Variants in ZNF480 observed in about 807,000 individuals in gnomAD.
ZNF480 encodes the protein zinc finger protein 480.
Under a neutral mutation model 14.4 loss-of-function variants are expected in ZNF480, and 15 were observed. The observed-to-expected ratio is 1.04, with a 90% CI of 0.70 to 1.60. ZNF480 has a LOEUF of 1.60. ZNF480 is among the 40% of genes most tolerant of loss of function. ZNF480 has a pLI of 0.00. For missense variants in ZNF480, 593 were observed against 629.7 expected (o/e 0.94, Z 0.62); for synonymous variants, 218 against 215.5 (o/e 1.01, Z -0.10).
rs1983973389 is a variant in ZNF480, at chr19:52,323,988, A to G, written c.*1130A>G. ...GATAAAGATATGAAAGGCATATATA[A>G]ATAGGAAGAGGGGAAGTCAGTTTCT... On this transcript the variant is annotated 3_prime_UTR_variant, in exon 5 of 5. Coordinates refer to ENST00000595962, the MANE Select transcript of ZNF480 (RefSeq NM_144684.4). The G allele has an allele frequency of 1.3e-5, 2 of 152,182 alleles. No individual in the cohort carries two copies. The highest frequency in any genetic ancestry group is 4.1e-4 in the South Asian group (2 of 4,836). 9.4% of individuals were successfully genotyped at this position (152,182 alleles called of 1,614,324 possible).
intron 2 of ZNF480, chr19:52,313,915 G>C: frequency 2.6e-6 from 1 of 383,188 alleles, no homozygotes. Context: ...GGAGGCGGAG[G>C]TTGCAGTGAG....
chr19:52,306,287 A>G (rs1402135972), intron 2 of ZNF480, among the ~76,000 whole-genome samples: 5 of 152,192 alleles, frequency 3.3e-5, no homozygotes, highest in Non-Finnish European at 7.3e-5. Flanking sequence ...ATCTGCATAC[A>G]GTTCTTTCAG....
At chr19:52,303,156 T>C (rs1262040654) in intron 2 of ZNF480, among the ~76,000 whole-genome samples, 4 of 152,246 alleles carry the variant, frequency 2.6e-5, no homozygotes, top group African/African-American at 9.6e-5. Context: ...CTCCGATTTT[T>C]GAGCTGAAGT....
chr19:52,317,848 T>C (rs1983631468), intron 4 of ZNF480, among the ~76,000 whole-genome samples: 1 of 152,168 alleles, frequency 6.6e-6, no homozygotes, highest in African/African-American at 2.4e-5. Flanking sequence ...CACTTGTGAT[T>C]TTCTGGTGTT....
chr19:52,323,139 C>T lies in ZNF480; in HGVS notation c.*281C>T. 3.3e-6 allele frequency: 1 copy of T among 300,066 alleles called. No individual in the cohort carries two copies. The highest frequency in any genetic ancestry group is 4.5e-5 in the Admixed American group (1 of 22,150). 18.6% of individuals were successfully genotyped at this position (300,066 alleles called of 1,614,324 possible). A position where few individuals can be genotyped will look rare whatever the true frequency, so the allele number is the denominator to read the frequency against. ...AAAGGGGACATTACCACCAACCCCA[C>T]AGAAATACGAAAAACCCTCAAAGAT... On this transcript the variant is annotated 3_prime_UTR_variant, in exon 5 of 5. Transcript: ENST00000595962.
At chr19:52,312,359 A>G (rs367581799) in intron 2 of ZNF480, among the ~76,000 whole-genome samples, 1 of 151,826 alleles carries the variant, frequency 6.6e-6, no homozygotes. Flanking sequence ...ACTGGGCTTC[A>G]CCACGTTGGT....
At chr19:52,309,212 T>G (rs1983149876) in intron 2 of ZNF480, among the ~76,000 whole-genome samples, 1 of 152,246 alleles carries the variant, frequency 6.6e-6, no homozygotes, top group Admixed American at 6.5e-5. Context: ...CTCTCTGTTT[T>G]TAGTGTCTGG....
intron 2 of ZNF480, chr19:52,301,153 C>T (rs1219763280): frequency 6.6e-6 from 1 of 152,600 alleles, no homozygotes; most frequent in East Asian, 1.9e-4. Flanking sequence ...CGGTGGGCTA[C>T]TTCTCACAGG....
Position 52,315,864 on chromosome 19 carries a change from C to T in ZNF480, c.230C>T (p.Ser77Phe). Residue 77 changes from serine to phenylalanine, a missense_variant, in exon 4 of 5, where the codon TCC becomes TTC. Coordinates refer to ENST00000595962, the MANE Select transcript of ZNF480 (RefSeq NM_144684.4). ...GISLPDLNIN[S>F]MLEQRREPWS... ...TCTCTTCCTGACCTGAATATTAACT[C>T]CATGTTGGAGCAAAGGAGGGAGCCC... 8.1e-6 allele frequency: 13 copies of T among 1,612,226 alleles called. No homozygotes were observed. Among genetic ancestry groups the T allele is most frequent in the Non-Finnish European group, 1.1e-5 (13 of 1,178,884 alleles).
At position 52,300,343 on chromosome 19, in the gene ZNF480, G is replaced by C. The variant is rs1982625247; in HGVS notation, c.-19-51G>C. 3.1e-6 allele frequency: 5 copies of C among 1,588,070 alleles called. No homozygotes were observed. The South Asian group carries it at 3.3e-5, about 11-fold the overall frequency. ...ACCTGTGTGTGTGATTGTGGCACAG[G>C]AAAAGGGTGTGTTGATTCTAAGCCC... On this transcript the variant is annotated intron_variant, in intron 1 of 4. Transcript: ENST00000595962.
chr19:52,312,827 CT>C (rs36105783), intron 2 of ZNF480, among the ~76,000 whole-genome samples: 84,104 of 149,560 alleles, frequency 0.56, 23,570 homozygotes, highest in Non-Finnish European at 0.59. Context: ...TTTTATAATT[CT>C]TTTTTTTTTT....
intron 4 of ZNF480, among the ~76,000 whole-genome samples, chr19:52,320,546 A>G (rs1398671948): frequency 6.6e-6 from 1 of 152,224 alleles, no homozygotes; most frequent in Non-Finnish European, 1.5e-5. Context: ...CTGTAATCCC[A>G]GCACTTTCGG....
chr19:52,303,960 T>A (rs1982811196), intron 2 of ZNF480, among the ~76,000 whole-genome samples: 2 of 152,216 alleles, frequency 1.3e-5, no homozygotes, highest in South Asian at 4.1e-4. Context: ...ATAATTAAAC[T>A]GGCATGAGAA....
At position 52,322,817 on chromosome 19, in the gene ZNF480, A is replaced by G; in HGVS notation, c.1567A>G (p.Ile523Val). The G allele has an allele frequency of 6.2e-7, 1 of 1,606,320 alleles. No homozygotes were observed. The highest frequency in any genetic ancestry group is 8.5e-7 in the Non-Finnish European group (1 of 1,175,196). The change falls in exon 5 of 5, where the codon ATT (isoleucine) becomes GTT (valine). Residue 523 changes from isoleucine to valine, a missense_variant. By Grantham distance (29) the Ile-to-Val change is conservative. Coordinates refer to ENST00000595962, the MANE Select transcript of ZNF480 (RefSeq NM_144684.4). ...TGAGTGTGGCAAGGCCTTTAGTCGC[A>G]TTTCATACCTAGCACAACATTGGAC... is the stretch of plus-strand genomic sequence containing the variant. ...CNECGKAFSR[I>V]SYLAQHWTIH...
At chr19:52,298,084 A>G (rs1402690448) in intron 1 of ZNF480, among the ~76,000 whole-genome samples, 1 of 151,884 alleles carries the variant, frequency 6.6e-6, no homozygotes, top group Non-Finnish European at 1.5e-5. Context: ...GAAGGACAGC[A>G]AGATAGTGAG....
rs1600220469 is a variant in ZNF480 at position 52,317,716 on chromosome 19, A to T, written c.328+1754A>T. On this transcript the variant is annotated intron_variant, in intron 4 of 4. Transcript: ENST00000595962. ...ACCCAGATGTGGAATTGTTGCCTAT[A>T]CTGATCATTTGATTTTGGATTCTTT... Among the ~76,000 whole-genome samples, 3 of 152,246 alleles carry T rather than the reference A, an allele frequency of 2.0e-5. No individual in the cohort carries two copies. In the South Asian group the frequency reaches 6.2e-4, roughly 32 times the overall value.
intron 2 of ZNF480, among the ~76,000 whole-genome samples, chr19:52,308,380 C>T (rs1224059191): frequency 6.7e-6 from 1 of 148,336 alleles, no homozygotes; most frequent in Non-Finnish European, 1.5e-5. Context: ...AATCTCGGCT[C>T]ACTACAACTT....
Position 52,322,247 on chromosome 19 carries a change from C to A in ZNF480, c.997C>A (p.His333Asn). The change falls in exon 5 of 5, where the codon CAT becomes AAT. Residue 333 changes from histidine (H) to asparagine (N), a missense_variant. His to Asn is a moderately conservative substitution (Grantham distance 68). Transcript: ENST00000595962. ...GFSHKSSLAN[H>N]WRIYTGEKPY... ...CAGTCATAAGTCATCTCTAGCAAAT[C>A]ATTGGAGAATTTATACTGGAGAGAA... 7 of 1,613,958 alleles carry A rather than the reference C, an allele frequency of 4.3e-6. No homozygotes were observed. Among genetic ancestry groups the A allele is most frequent in the Non-Finnish European group, 5.9e-6 (7 of 1,180,004 alleles).
Position 52,300,493 on chromosome 19 carries a change from A to T in ZNF480, c.72+9A>T, listed in dbSNP as rs1484420067. On this transcript the variant is annotated intron_variant, in intron 2 of 4. Transcript: ENST00000595962. ...GGATGGCTCTTCCTCAGGTGAGATG[A>T]TATTCTCGGTGGATTGTTCTGTCTC... 1 of 1,610,300 alleles carries T rather than the reference A, an allele frequency of 6.2e-7. No homozygotes were observed. Among genetic ancestry groups the T allele is most frequent in the African/African-American group, 1.3e-5 (1 of 74,918 alleles).
Sources: gnomAD v4.1 joint callset for allele counts (sites outside exome capture counted in the v4.1 genomes callset) on GRCh38, gnomAD v4.1.1 for gene constraint, MANE v1.5 for transcripts, NCBI Gene and HGNC (gene_info 2026-07-23, HGNC 2026-07-21) for gene names.